TTN: variants seen among roughly 807,000 people sequenced by gnomAD.
TTN encodes connectin.
TTN carries 1,525 observed loss-of-function variants against 3,223.0 expected under a neutral mutation model. The ratio of observed to expected loss-of-function variants is 0.47; its 90% CI spans 0.45 to 0.49. The LOEUF (loss-of-function observed/expected upper bound fraction) is 0.49. Among genes scored for constraint, TTN ranks in the 20% least tolerant of loss-of-function variants. TTN has a pLI of 0.00. For missense variants in TTN, 40,786 were observed against 43,424.0 expected (o/e 0.94, Z 5.40); for synonymous variants, 14,094 against 15,161.0 (o/e 0.93, Z 5.17).
chr2:178,759,832 A>T lies in TTN; in HGVS notation c.10115-660T>A, dbSNP rs553119296. On this transcript the variant is annotated intron_variant, in intron 43 of 362. Coordinates refer to ENST00000589042, the MANE Select transcript of TTN (RefSeq NM_001267550.2). ...ATCTTAGATACATTTGACTCTTTTC[A>T]GAGTGGCAGTTATAAGACATTATAA... 3.9e-5 allele frequency among the ~76,000 whole-genome samples: 6 copies of T among 152,352 alleles called. No homozygotes were observed. The South Asian group carries it at 1.2e-3, about 32-fold the overall frequency.
chr2:178,649,260 G>A lies in TTN; in HGVS notation c.40045C>T (p.Leu13349Phe). ...TCATGGTAGGTACCTTTTTCTGGAA[G>A]AACTTCTGGTTTTTTGGTAACAGGC... ...PVPVTKKPEV[L>F]PEKVPKVPEK... The change falls in exon 213 of 363, where the codon CTT (leucine) becomes TTT (phenylalanine). Residue 13349 changes from leucine to phenylalanine, a missense_variant. By Grantham distance (22) the Leu-to-Phe change is conservative. Coordinates refer to ENST00000589042, the MANE Select transcript of TTN (RefSeq NM_001267550.2). 6.7e-7 allele frequency: 1 copy of A among 1,500,232 alleles called. No homozygotes were observed. The highest frequency in any genetic ancestry group is 8.8e-7 in the Non-Finnish European group (1 of 1,130,382). The allele number at this position is 1,500,232 out of a possible 1,614,324, so 92.9% of individuals were successfully genotyped here.
At chr2:178,694,741 T>C in intron 116 of TTN, 65 bp from the exon 117 acceptor site, 1 of 1,490,734 alleles carries the variant, frequency 6.7e-7, no homozygotes, top group Non-Finnish European at 9.1e-7. Context: ...AATTTAAAAG[T>C]ATTTGATTAT....
intron 239 of TTN, among the ~76,000 whole-genome samples, 160 bp downstream of exon 239, chr2:178,630,081 C>CAAT (rs770600017): frequency 2.4e-4 from 37 of 152,156 alleles, no homozygotes; most frequent in Non-Finnish European, 4.9e-4. Flanking sequence ...CGATTTGAAC[C>CAAT]ACTTCTGTAT....
At chr2:178,549,930 C>T in intron 337 of TTN, 56 bp downstream of exon 337, 1 of 1,551,608 alleles carries the variant, frequency 6.4e-7, no homozygotes, top group Non-Finnish European at 8.7e-7. Context: ...TACAACTAGG[C>T]ATGTCTCTAA....
chr2:178,577,100 T>C lies in TTN; in HGVS notation c.69235A>G (p.Lys23079Glu). The change falls in exon 324 of 363, where the codon AAG becomes GAG. Residue 23079 changes from lysine to glutamate, a missense_variant. Physicochemically the swap from Lys to Glu is moderately conservative, Grantham distance 56. Transcript: ENST00000589042. ...GSPIKSYILE[K>E]RETSRLLWTV... ...CACAAAAGTCGGCTGGTTTCTCTCT[T>C]TTCAAGTATATAGGACTTAATTGGT... The C allele has an allele frequency of 6.2e-7, 1 of 1,613,322 alleles. No homozygotes were observed. Among genetic ancestry groups the C allele is most frequent in the Non-Finnish European group, 8.5e-7 (1 of 1,179,560 alleles).
rs757938943 is a variant in TTN at position 178,717,588 on chromosome 2, T to C, written c.25286A>G (p.Gln8429Arg). Residue 8429 changes from glutamine to arginine, a missense_variant, in exon 87 of 363, where the codon CAG becomes CGG. Transcript: ENST00000589042. ...AGGATTAGAAGCAGAGCAATTATAC[T>C]GCCCTATGTGGCTCTGGTCAGTTTG... The part of the protein sequence containing the change: ...ILQTDQSHIG[Q>R]YNCSASNPLG... The C allele has an allele frequency of 9.9e-6, 16 of 1,613,168 alleles. No homozygotes were observed. Among genetic ancestry groups the C allele is most frequent in the Admixed American group, 1.7e-5 (1 of 59,950 alleles).
At chr2:178,709,201 A>T (rs1479513092) in intron 99 of TTN, among the ~76,000 whole-genome samples, 6 of 152,218 alleles carry the variant, frequency 3.9e-5, no homozygotes, top group Non-Finnish European at 8.8e-5. Context: ...TAGTCAAGTT[A>T]ATGTGATATT....
At position 178,634,969 on chromosome 2, in the gene TTN, T is replaced by A; in HGVS notation, c.42025-120A>T. On this transcript the variant is annotated intron_variant, in intron 228 of 362. Coordinates refer to ENST00000589042, the MANE Select transcript of TTN (RefSeq NM_001267550.2). This position sits in a 1 kb window ranked among gnomAD's most constrained non-coding sequence, Gnocchi z 4.6. The stretch of plus-strand genomic sequence containing the variant: ...ACTACTAATAAAAGTAAGCAGAGAA[T>A]TCCCTGTCATAACATTTTACACAAA... 1 of 1,374,896 alleles carries A rather than the reference T, an allele frequency of 7.3e-7. No homozygotes were observed. Among genetic ancestry groups the A allele is most frequent in the Non-Finnish European group, 9.7e-7 (1 of 1,034,842 alleles). The allele number at this position is 1,374,896 out of a possible 1,614,324, so 85.2% of individuals were successfully genotyped here.
intron 213 of TTN, among the ~76,000 whole-genome samples, chr2:178,647,724 C>T (rs942833796): frequency 2.0e-5 from 3 of 152,128 alleles, no homozygotes; most frequent in African/African-American, 7.2e-5. Flanking sequence ...TCTACATTTT[C>T]TGAGTAATTG....
chr2:178,667,861 C>A (rs2066250519), intron 159 of TTN, 140 bp from the exon 160 acceptor site: 2 of 587,040 alleles, frequency 3.4e-6, no homozygotes, highest in Admixed American at 3.3e-5. Flanking sequence ...GGCTAGAATG[C>A]ATTGGCTGGG....
Position 178,594,191 on chromosome 2 carries a change from C to A in TTN, c.58202G>T (p.Gly19401Val). 1 of 1,613,356 alleles carries A rather than the reference C, an allele frequency of 6.2e-7. No individual in the cohort carries two copies. Among genetic ancestry groups the A allele is most frequent in the Non-Finnish European group, 8.5e-7 (1 of 1,179,612 alleles). Reference protein sequence around the residue: ...DFRDKLTIRVGEAFALTGRYS... With the variant: ...DFRDKLTIRVVEAFALTGRYS... ...ACGGCCAGTGAGGGCAAAAGCTTCACCAACTCGAATCGTGAGCTTATCTCT... is the reference window on the plus strand; with the variant it reads ...ACGGCCAGTGAGGGCAAAAGCTTCAACAACTCGAATCGTGAGCTTATCTCT... The change falls in exon 297 of 363, where the codon GGT (glycine) becomes GTT (valine). Residue 19401 changes from glycine (G) to valine (V), a missense_variant. Coordinates refer to ENST00000589042, the MANE Select transcript of TTN (RefSeq NM_001267550.2).
Position 178,577,991 on chromosome 2 carries a change from T to C in TTN, c.68524A>G (p.Ile22842Val). The C allele has an allele frequency of 1.2e-6, 2 of 1,611,586 alleles. No homozygotes were observed. Among genetic ancestry groups the C allele is most frequent in the East Asian group, 2.2e-5 (1 of 44,694 alleles). Residue 22842 changes from isoleucine to valine, a missense_variant, in exon 322 of 363, where the codon ATT becomes GTT. Coordinates refer to ENST00000589042, the MANE Select transcript of TTN (RefSeq NM_001267550.2). ...TTTTCTTCATATAATGACTTACCAA[T>C]TGGGTCCAGTGCCACAACAGGCTCT... ...PSEPVVALDPIDPPGKPEVIN... is the reference protein window; with the variant it reads ...PSEPVVALDPVDPPGKPEVIN...
At chr2:178,694,461 C>A in intron 117 of TTN, 138 bp downstream of exon 117, 1 of 554,302 alleles carries the variant, frequency 1.8e-6, no homozygotes, top group South Asian at 3.4e-5. Flanking sequence ...TGCAACTCAA[C>A]ATAAAATTTG....
At chr2:178,777,636 TG>T in intron 25 of TTN, 52 bp from the exon 26 acceptor site, 1 of 1,613,430 alleles carries the variant, frequency 6.2e-7, no homozygotes, top group Non-Finnish European at 8.5e-7. Context: ...TTTTAAAAAT[TG>T]TTAGATGCAT....
Position 178,728,268 on chromosome 2 carries a change from T to A in TTN, c.19556A>T (p.Lys6519Ile). The A allele has an allele frequency of 1.2e-6, 2 of 1,613,334 alleles. No homozygotes were observed. The highest frequency in any genetic ancestry group is 1.7e-6 in the Non-Finnish European group (2 of 1,179,516). ...PISAQWFKDG[K>I]EISTSAKYRL... is the part of the protein sequence containing the mutation. The stretch of plus-strand genomic sequence containing the variant: ...GTATTTTGCACTTGTAGATATTTCT[T>A]TTCCATCCTTAAACCACTGAGCACT... Residue 6519 changes from lysine (K) to isoleucine (I), a missense_variant, in exon 67 of 363, where the codon AAA becomes ATA. Coordinates refer to ENST00000589042, the MANE Select transcript of TTN (RefSeq NM_001267550.2).
Position 178,543,530 on chromosome 2 carries a change from G to A in TTN, c.96443C>T (p.Ala32148Val). ...NNYIVEKREA[A>V]MRAFKTVTTK... ...AGTTACTGTTTTGAATGCTCTCATA[G>A]CAGCTTCACGCTTCTCAACGATGTA... Residue 32148 changes from alanine (A) to valine (V), a missense_variant, in exon 347 of 363, where the codon GCT becomes GTT. Physicochemically the swap from Ala to Val is moderately conservative, Grantham distance 64. Transcript: ENST00000589042. 6.2e-7 allele frequency: 1 copy of A among 1,613,122 alleles called. No homozygotes were observed. The highest frequency in any genetic ancestry group is 1.1e-5 in the South Asian group (1 of 91,066).
chr2:178,732,560 C>T lies in TTN; in HGVS notation c.16501G>A (p.Glu5501Lys). Residue 5501 changes from glutamate to lysine, a missense_variant, in exon 56 of 363, where the codon GAA (glutamate) becomes AAA (lysine). Physicochemically the swap from Glu to Lys is moderately conservative, Grantham distance 56. Transcript: ENST00000589042. ...AGTTCCAGGGAACTCTCTAAAGCTT[C>T]TTTGGTAATATAGCAGCTTCCACCA... ...VSGGSCYITK[E>K]ALESSLELYL... 6.2e-7 allele frequency: 1 copy of T among 1,613,674 alleles called. No homozygotes were observed. The highest frequency in any genetic ancestry group is 8.5e-7 in the Non-Finnish European group (1 of 1,179,752).
rs758394755 is a variant in TTN, at chr2:178,554,827, C to A, written c.88594+38G>T. 1.9e-6 allele frequency: 3 copies of A among 1,612,818 alleles called. No homozygotes were observed. In the Admixed American group the frequency reaches 5.0e-5, roughly 27 times the overall value. On this transcript the variant is annotated intron_variant, in intron 331 of 362. Coordinates refer to ENST00000589042, the MANE Select transcript of TTN (RefSeq NM_001267550.2). Reference sequence around the variant, plus strand: ...TTGTTCAAAATTACTAAGCTTTAGGCAAATGTAATATGACAGTGGTCTGTA... The same window carrying A: ...TTGTTCAAAATTACTAAGCTTTAGGAAAATGTAATATGACAGTGGTCTGTA...
At position 178,613,047 on chromosome 2, in the gene TTN, T is replaced by G; in HGVS notation, c.49674A>C (p.Pro16558=). 1 of 1,612,706 alleles carries G rather than the reference T, an allele frequency of 6.2e-7. No homozygotes were observed. The highest frequency in any genetic ancestry group is 8.5e-7 in the Non-Finnish European group (1 of 1,179,196). The change falls in exon 265 of 363, where the codon CCA becomes CCC. Residue 16558 remains proline (P), a synonymous_variant. Coordinates refer to ENST00000589042, the MANE Select transcript of TTN (RefSeq NM_001267550.2). ...PIDPPWPPGK[P]TVKDVGKTSV... ...ATGTTTTGCCTACATCTTTTACAGTTGGTTTTCCAGGGGGCCATGGAGGAT... is the reference window on the plus strand; with the variant it reads ...ATGTTTTGCCTACATCTTTTACAGTGGGTTTTCCAGGGGGCCATGGAGGAT...
Sources: allele counts gnomAD v4.1 joint callset (sites outside exome capture counted in the v4.1 genomes callset), GRCh38; gene constraint gnomAD v4.1.1; non-coding constraint Gnocchi (gnomAD v3.1); transcripts MANE v1.5; gene names NCBI Gene and HGNC (gene_info 2026-07-23, HGNC 2026-07-21).